The following RLF variants were observed in gnomAD, a reference collection of about 807,000 sequenced individuals.
RLF encodes RLF zinc finger.
Under a neutral mutation model 162.9 loss-of-function variants are expected in RLF, and 7 were observed. The ratio of observed to expected loss-of-function variants is 0.04; its 90% CI spans 0.02 to 0.08. The LOEUF (loss-of-function observed/expected upper bound fraction) is 0.08, where lower values mean the gene tolerates loss of function less well. RLF is among the 10% of genes least tolerant of loss of function. RLF has a pLI of 1.00. For synonymous variants in RLF, 782 were observed against 791.5 expected, an observed-to-expected ratio of 0.99 and a Z score of 0.20; for missense variants, 1,664 against 2,244.7, an observed-to-expected ratio of 0.74 and a Z score of 5.23.
chr1:40,193,483 G>A (rs1445320837), intron 3 of RLF, among the ~76,000 whole-genome samples: 6 of 152,246 alleles, frequency 3.9e-5, no homozygotes, highest in Non-Finnish European at 7.4e-5. Context: ...CTGCTAAAGT[G>A]TAATGGTACA....
intron 6 of RLF, among the ~76,000 whole-genome samples, chr1:40,222,970 T>C (rs1257377548): frequency 6.6e-6 from 1 of 151,942 alleles, no homozygotes; most frequent in African/African-American, 2.4e-5. Flanking sequence ...TAAAATTTTG[T>C]CAATATGAAA....
intron 1 of RLF, among the ~76,000 whole-genome samples, chr1:40,168,768 G>T (rs990553327): frequency 2.0e-5 from 3 of 151,872 alleles, no homozygotes; most frequent in Non-Finnish European, 4.4e-5. Flanking sequence ...AAGGCGGGTG[G>T]ATCACCTGAG....
chr1:40,207,759 C>A (rs752141273), intron 5 of RLF, among the ~76,000 whole-genome samples: 5 of 152,070 alleles, frequency 3.3e-5, no homozygotes, highest in African/African-American at 1.2e-4. Flanking sequence ...TGCAGACGTG[C>A]GCCACTACAC....
At position 40,225,721 on chromosome 1, in the gene RLF, G is replaced by A. The variant is rs528208537; in HGVS notation, c.947+3011G>A. Among the ~76,000 whole-genome samples, 27 of 150,760 alleles carry A rather than the reference G, an allele frequency of 1.8e-4. No individual in the cohort carries two copies. The East Asian group carries it at 2.7e-3, about 15-fold the overall frequency. ...GAAACCCTGTCTCTACTAAAAATAC[G>A]GAAAATTAGCCGACCTGGTGGCGGG... is the stretch of plus-strand genomic sequence containing the variant. On this transcript the variant is annotated intron_variant, in intron 6 of 7. Coordinates refer to ENST00000372771, the MANE Select transcript of RLF (RefSeq NM_012421.4).
rs1244608614 is a variant in RLF at position 40,240,663 on chromosome 1, A to G, written c.*216A>G. 5.9e-6 allele frequency: 3 copies of G among 509,326 alleles called. No individual in the cohort carries two copies. The highest frequency in any genetic ancestry group is 1.0e-5 in the Non-Finnish European group (3 of 286,008). 31.6% of individuals were successfully genotyped at this position (509,326 alleles called of 1,614,324 possible). On this transcript the variant is annotated 3_prime_UTR_variant, in exon 8 of 8. Coordinates refer to ENST00000372771, the MANE Select transcript of RLF (RefSeq NM_012421.4). ...TGGGTTTATTTTTGTTTGTTTGTTT[A>G]TTAAAAAAATGGAACTGTACACTTG...
chr1:40,212,851 T>C (rs1642880708), intron 5 of RLF, among the ~76,000 whole-genome samples: 1 of 152,122 alleles, frequency 6.6e-6, no homozygotes, highest in African/African-American at 2.4e-5. Flanking sequence ...CCAGTGGGAA[T>C]TCAGTTTGGG....
At chr1:40,203,576 G>C (rs1642748452) in intron 5 of RLF, among the ~76,000 whole-genome samples, 1 of 150,862 alleles carries the variant, frequency 6.6e-6, no homozygotes, top group Non-Finnish European at 1.5e-5. Flanking sequence ...GTATCAGATT[G>C]CATCCTTTAA....
chr1:40,187,549 G>A (rs1194438326), intron 1 of RLF, among the ~76,000 whole-genome samples: 1 of 152,150 alleles, frequency 6.6e-6, no homozygotes, highest in Non-Finnish European at 1.5e-5. Flanking sequence ...TGACCAAGTA[G>A]CAAGATACTT....
At chr1:40,178,324 AAATAT>A (rs1216444935) in intron 1 of RLF, among the ~76,000 whole-genome samples, 18 of 152,250 alleles carry the variant, frequency 1.2e-4, no homozygotes, top group African/African-American at 3.8e-4. Flanking sequence ...TTTTCAAACA[AAATAT>A]AATATACTAT....
At position 40,161,657 on chromosome 1, in the gene RLF, C is replaced by T. The variant is rs779139473; in HGVS notation, c.237+21C>T. On this transcript the variant is annotated intron_variant, in intron 1 of 7. Coordinates refer to ENST00000372771, the MANE Select transcript of RLF (RefSeq NM_012421.4). This position sits in a 1 kb window ranked among gnomAD's most constrained non-coding sequence, Gnocchi z 4.4. ...GCCAGGTGAGGGGCTGACTGGCTGGCTGAGGGCGGCGGGGCGGGGAAGTCA... is the reference window on the plus strand; with the variant it reads ...GCCAGGTGAGGGGCTGACTGGCTGGTTGAGGGCGGCGGGGCGGGGAAGTCA... The T allele has an allele frequency of 6.2e-7, 1 of 1,605,786 alleles. No individual in the cohort carries two copies. The highest frequency in any genetic ancestry group is 1.7e-4 in the Middle Eastern group (1 of 5,760).
chr1:40,224,848 A>G (rs555003591), intron 6 of RLF, among the ~76,000 whole-genome samples: 13 of 150,908 alleles, frequency 8.6e-5, no homozygotes, highest in Admixed American at 4.6e-4. Context: ...TTAGCCGGGC[A>G]TTTTGGCAGA....
intron 2 of RLF, 70 bp from the exon 3 acceptor site, chr1:40,190,702 A>T: frequency 1.1e-6 from 1 of 939,016 alleles, no homozygotes; most frequent in Non-Finnish European, 1.6e-6. Context: ...ATAGATTTTT[A>T]GTATTGCTGT....
chr1:40,233,893 A>ACACT (rs1274264025), intron 7 of RLF, among the ~76,000 whole-genome samples: 2 of 152,178 alleles, frequency 1.3e-5, no homozygotes. Context: ...AAGGGATTCT[A>ACACT]CACTCACTCA....
At chr1:40,197,344 A>G (rs780835387) in intron 4 of RLF, among the ~76,000 whole-genome samples, 1 of 152,240 alleles carries the variant, frequency 6.6e-6, no homozygotes, top group African/African-American at 2.4e-5. Context: ...GATGGAGGCT[A>G]AAGTATCACC....
At chr1:40,191,538 G>GAA (rs1421384810) in intron 3 of RLF, among the ~76,000 whole-genome samples, 1 of 147,310 alleles carries the variant, frequency 6.8e-6, no homozygotes, top group African/African-American at 2.6e-5. Flanking sequence ...ACTCTGTCTC[G>GAA]GAAAAAAAAA....
At chr1:40,168,692 T>C (rs987364188) in intron 1 of RLF, among the ~76,000 whole-genome samples, 11 of 152,290 alleles carry the variant, frequency 7.2e-5, no homozygotes, top group African/African-American at 2.2e-4. Context: ...CATTAAATTT[T>C]ATATAAATAA....
intron 1 of RLF, among the ~76,000 whole-genome samples, chr1:40,185,074 A>AT (rs1642455811): frequency 2.0e-5 from 3 of 151,926 alleles, no homozygotes; most frequent in Non-Finnish European, 2.9e-5. Context: ...TGTCCCTACA[A>AT]AAAAAAAGTT....
At chr1:40,196,554 G>A (rs1325118854) in intron 4 of RLF, among the ~76,000 whole-genome samples, 1 of 152,080 alleles carries the variant, frequency 6.6e-6, no homozygotes, top group Non-Finnish European at 1.5e-5. Flanking sequence ...ACCCAGGCTG[G>A]AGTGGCACAA....
At chr1:40,211,811 G>A (rs1248895261) in intron 5 of RLF, among the ~76,000 whole-genome samples, 2 of 151,966 alleles carry the variant, frequency 1.3e-5, no homozygotes, top group African/African-American at 2.4e-5. Context: ...TAGTAGAAAC[G>A]GGGTTTCACC....
Sources: gnomAD v4.1 joint callset for allele counts (sites outside exome capture counted in the v4.1 genomes callset) on GRCh38, gnomAD v4.1.1 for gene constraint, Gnocchi (gnomAD v3.1) non-coding constraint, MANE v1.5 for transcripts, NCBI Gene and HGNC (gene_info 2026-07-23, HGNC 2026-07-21) for gene names.